The following COL14A1 variants were observed in gnomAD, a reference collection of about 807,000 sequenced individuals.
COL14A1 encodes the protein collagen type XIV alpha 1 chain, also known as collagen alpha-1(XIV) chain.
A neutral mutation model predicts 230.3 loss-of-function variants in COL14A1; 136 were observed. The observed-to-expected ratio is 0.59, with a 90% CI of 0.51 to 0.68. The LOEUF (loss-of-function observed/expected upper bound fraction) is 0.68, where lower values mean the gene tolerates loss of function less well. COL14A1 is among the 30% of genes least tolerant of loss of function. The pLI is 0.00. For synonymous variants in COL14A1, 792 were observed against 784.1 expected (o/e 1.01, Z -0.17); for missense variants, 1,976 against 2,215.8 (o/e 0.89, Z 2.17).
chr8:120,315,525 A>G lies in COL14A1; in HGVS notation c.4552-8A>G, dbSNP rs866789159. Reference sequence around the variant, plus strand: ...TGAACTTAACTCTGTATACTTTTGGATATTCAGGGAATGCCAGGAGAAAAA... The same window carrying G: ...TGAACTTAACTCTGTATACTTTTGGGTATTCAGGGAATGCCAGGAGAAAAA... On this transcript the variant is annotated splice_region_variant and splice_polypyrimidine_tract_variant and intron_variant, in intron 38 of 47. Coordinates refer to ENST00000297848, the MANE Select transcript of COL14A1 (RefSeq NM_021110.4). 16 of 1,610,846 alleles carry G rather than the reference A, an allele frequency of 9.9e-6. No homozygotes were observed. In the Middle Eastern group the frequency reaches 6.6e-4, roughly 66 times the overall value.
At position 120,226,618 on chromosome 8, in the gene COL14A1, G is replaced by A. The variant is rs573163673; in HGVS notation, c.1865-9G>A. ...TTTCCCTAACAAAACCTCCTTCCTC[G>A]GTTTACAGAGGAAGTTCCAGCCCAG... On this transcript the variant is annotated splice_polypyrimidine_tract_variant and intron_variant, in intron 15 of 47. Transcript: ENST00000297848. 9 of 1,611,224 alleles carry A rather than the reference G, an allele frequency of 5.6e-6. No homozygotes were observed. Among genetic ancestry groups the A allele is most frequent in the East Asian group, 2.2e-5 (1 of 44,862 alleles).
intron 8 of COL14A1, among the ~76,000 whole-genome samples, chr8:120,201,651 C>T (rs978433707): frequency 1.3e-5 from 2 of 151,968 alleles, no homozygotes; most frequent in African/African-American, 4.8e-5. Context: ...TTTAACAGTA[C>T]ATCTTTTAGA....
intron 2 of COL14A1, among the ~76,000 whole-genome samples, chr8:120,149,484 A>G (rs1421143981): frequency 6.6e-6 from 1 of 152,184 alleles, no homozygotes; most frequent in Admixed American, 6.5e-5. Context: ...TAGATCACTT[A>G]TCTTCTAAAC....
chr8:120,226,166 G>C (rs1186182952), intron 15 of COL14A1, among the ~76,000 whole-genome samples: 3 of 152,024 alleles, frequency 2.0e-5, no homozygotes, highest in Non-Finnish European at 4.4e-5. Context: ...ACCACCATAT[G>C]TACAAGTTAA....
chr8:120,220,853 T>C (rs1024378295), intron 14 of COL14A1, among the ~76,000 whole-genome samples: 1 of 152,186 alleles, frequency 6.6e-6, no homozygotes, highest in Non-Finnish European at 1.5e-5. Context: ...GTGATGATTA[T>C]GGTGATGATG....
intron 36 of COL14A1, among the ~76,000 whole-genome samples, chr8:120,307,459 C>T (rs548945918): frequency 6.6e-6 from 1 of 152,262 alleles, no homozygotes; most frequent in East Asian, 1.9e-4. Context: ...TGTGTAAGTA[C>T]ACTCCACGAT....
At chr8:120,175,532 T>C (rs1816254059) in intron 5 of COL14A1, among the ~76,000 whole-genome samples, 1 of 152,120 alleles carries the variant, frequency 6.6e-6, no homozygotes, top group South Asian at 2.1e-4. Context: ...AAAAATGAGA[T>C]GAGCTTAAAT....
intron 5 of COL14A1, among the ~76,000 whole-genome samples, chr8:120,172,278 G>A (rs1198626864): frequency 1.3e-5 from 2 of 152,086 alleles, no homozygotes; most frequent in Admixed American, 6.6e-5. Flanking sequence ...AGCCTCCTGA[G>A]TAGCTGGGAT....
intron 1 of COL14A1, among the ~76,000 whole-genome samples, chr8:120,135,232 C>T (rs186699666): frequency 6.6e-6 from 1 of 152,174 alleles, no homozygotes; most frequent in African/African-American, 2.4e-5. Context: ...GGCATAATCT[C>T]TCTGGAGACC....
At chr8:120,267,813 G>T (rs11781559) in intron 25 of COL14A1, among the ~76,000 whole-genome samples, 66,436 of 151,574 alleles carry the variant, frequency 0.44, 14,665 homozygotes, top group East Asian at 0.56. Context: ...GTGAGAATTT[G>T]TAAGAAGGAA....
In COL14A1 at chr8:120,343,058, G is replaced by T. The variant is rs551112766; in HGVS notation, c.4888+612G>T. On this transcript the variant is annotated intron_variant, in intron 44 of 47. Transcript: ENST00000297848. ...TCATAACAAACTTGATATGACGCCT[G>T]TCCCATTTCTTCATTTTACTTGAGC... 1.2e-3 allele frequency among the ~76,000 whole-genome samples: 185 copies of T among 152,112 alleles called. 1 individual carries two copies. Among genetic ancestry groups the T allele is most frequent in the Non-Finnish European group, 2.3e-3 (159 of 68,018 alleles).
Position 120,371,300 on chromosome 8 carries a change from T to A in COL14A1, c.*69T>A. ...GGAATCTTGTTTGAGAAAATGTTGT[T>A]ATGTGGTTTGTATGCTACTTTTGGG... On this transcript the variant is annotated 3_prime_UTR_variant, in exon 48 of 48. Coordinates refer to ENST00000297848, the MANE Select transcript of COL14A1 (RefSeq NM_021110.4). 7.5e-7 allele frequency: 1 copy of A among 1,340,824 alleles called. No homozygotes were observed. Among genetic ancestry groups the A allele is most frequent in the Non-Finnish European group, 1.1e-6 (1 of 950,300 alleles). 83.1% of individuals were successfully genotyped at this position (1,340,824 alleles called of 1,614,324 possible). A position where few individuals can be genotyped will look rare whatever the true frequency, so the allele number is the denominator to read the frequency against.
At chr8:120,195,646 C>T (rs1323138451) in intron 5 of COL14A1, among the ~76,000 whole-genome samples, 1 of 152,174 alleles carries the variant, frequency 6.6e-6, no homozygotes, top group Non-Finnish European at 1.5e-5. Context: ...AGCAAAGGCA[C>T]ATCTTACTTG....
chr8:120,290,630 T>C (rs547359711), intron 34 of COL14A1, among the ~76,000 whole-genome samples: 40 of 152,342 alleles, frequency 2.6e-4, no homozygotes, highest in African/African-American at 9.6e-4. Flanking sequence ...CAAGAGCTGG[T>C]AGTTCTCCAA....
chr8:120,182,360 T>C (rs1317776169), intron 5 of COL14A1, among the ~76,000 whole-genome samples: 1 of 152,208 alleles, frequency 6.6e-6, no homozygotes, highest in African/African-American at 2.4e-5. Context: ...CTTGTCTCCA[T>C]ACCTGCAGGG....
Position 120,310,010 on chromosome 8 carries a change from G to A in COL14A1, c.4403G>A (p.Gly1468Asp), listed in dbSNP as rs1820979695. The A allele has an allele frequency of 3.7e-6, 6 of 1,613,800 alleles. No individual in the cohort carries two copies. Among genetic ancestry groups the A allele is most frequent in the Non-Finnish European group, 5.1e-6 (6 of 1,179,762 alleles). The change falls in exon 37 of 48, where the codon GGT becomes GAT. Residue 1468 changes from glycine (G) to aspartate (D), a missense_variant and splice_region_variant. Around this residue, in one of 3 missense-constraint regions of COL14A1, gnomAD observed 1,791 missense variants for 2,019.5 expected, o/e 0.89. Transcript: ENST00000297848. The part of the protein sequence containing the change: ...EVALGPAGPP[G>D]GPGLRGPKGQ... ...TAATACTTAACATCTGTTTGCCAGG[G>A]TGGTCCAGGACTCCGAGGACCAAAG...
At chr8:120,325,882 G>GAA (rs1223279376) in intron 40 of COL14A1, among the ~76,000 whole-genome samples, 2 of 152,168 alleles carry the variant, frequency 1.3e-5, no homozygotes, top group African/African-American at 4.8e-5. Context: ...TATAGATATA[G>GAA]AAAGGTTTTG....
chr8:120,287,479 G>T (rs551040859), intron 33 of COL14A1, among the ~76,000 whole-genome samples: 23 of 152,250 alleles, frequency 1.5e-4, no homozygotes, highest in African/African-American at 5.5e-4. Context: ...GATTTCATGA[G>T]TGTTAAAAGA....
chr8:120,195,761 C>T (rs985563417), intron 5 of COL14A1, among the ~76,000 whole-genome samples: 2 of 152,080 alleles, frequency 1.3e-5, no homozygotes, highest in African/African-American at 4.8e-5. Flanking sequence ...AAATACCTGC[C>T]CCCATTATTT....
Sources: allele counts gnomAD v4.1 joint callset (sites outside exome capture counted in the v4.1 genomes callset), GRCh38; gene constraint gnomAD v4.1.1; regional missense constraint gnomAD v4.1.1; transcripts MANE v1.5; gene names NCBI Gene and HGNC (gene_info 2026-07-23, HGNC 2026-07-21).